Variants in PATZ1 observed in about 807,000 individuals in gnomAD.
The protein encoded by PATZ1 is POZ-, AT hook-, and zinc finger-containing protein 1.
A neutral mutation model predicts 46.2 loss-of-function variants in PATZ1; 9 were observed. The observed-to-expected ratio is 0.19, with a 90% CI of 0.12 to 0.34. PATZ1 has a LOEUF of 0.34. Among genes scored for constraint, PATZ1 ranks in the 10% least tolerant of loss-of-function variants. The probability of loss-of-function intolerance (pLI) is 1.00; values close to 1 mark genes in which losing one functional copy is unlikely to be tolerated. For missense variants in PATZ1, 632 were observed against 923.0 expected (o/e 0.68, Z 4.08); for synonymous variants, 426 against 378.6 (o/e 1.13, Z -1.45).
In PATZ1 at chr22:31,345,378, G is replaced by A. The variant is rs760449949; in HGVS notation, c.225C>T (p.Gly75=). 7 of 1,606,928 alleles carry A rather than the reference G, an allele frequency of 4.4e-6. No homozygotes were observed. Among genetic ancestry groups the A allele is most frequent in the Non-Finnish European group, 6.0e-6 (7 of 1,175,358 alleles). Residue 75 remains glycine, a synonymous_variant, in exon 1 of 5, where the codon GGC becomes GGT. Coordinates refer to ENST00000266269, the MANE Select transcript of PATZ1 (RefSeq NM_014323.3). The surrounding 1 kb of genome is among the most constrained non-coding windows in gnomAD (Gnocchi z 7.4). ...YFESVFSAQL[G]DGGAADGGPA... ...GACCCCCGTCCGCAGCTCCGCCGTC[G>A]CCCAACTGGGCGCTGAACACCGACT...
chr22:31,343,301 A>G (rs973389713), intron 1 of PATZ1: 62 of 1,052,120 alleles, frequency 5.9e-5, no homozygotes, highest in Non-Finnish European at 6.9e-5. Flanking sequence ...CAGCCTTTCC[A>G]GGAGGGGATA....
At chr22:31,337,072 T>G (rs1453881553) in intron 2 of PATZ1, among the ~76,000 whole-genome samples, 1 of 151,624 alleles carries the variant, frequency 6.6e-6, no homozygotes, top group Non-Finnish European at 1.5e-5. Flanking sequence ...ATCACACCAC[T>G]GCACTCCAGC....
chr22:31,344,300 T>C (rs1354173580), intron 1 of PATZ1, 32 bp downstream of exon 1: 2 of 1,551,570 alleles, frequency 1.3e-6, no homozygotes, highest in South Asian at 2.4e-5. Flanking sequence ...AGATAACGTG[T>C]GGCAGGGGAG....
At position 31,326,773 on chromosome 22, in the gene PATZ1, C is replaced by T. The variant is rs1170465901; in HGVS notation, c.*118G>A. Reference sequence around the variant, plus strand: ...AAGGAGTTGGAGTGGGGTTGGGGGGCAGTTAAAAATGAATAAAAATCTCTC... The same window carrying T: ...AAGGAGTTGGAGTGGGGTTGGGGGGTAGTTAAAAATGAATAAAAATCTCTC... On this transcript the variant is annotated 3_prime_UTR_variant, in exon 5 of 5. Transcript: ENST00000266269. The T allele has an allele frequency of 1.2e-6, 1 of 826,518 alleles. No homozygotes were observed. Among genetic ancestry groups the T allele is most frequent in the South Asian group, 1.9e-5 (1 of 53,614 alleles). 51.2% of individuals were successfully genotyped at this position (826,518 alleles called of 1,614,324 possible). A position where few individuals can be genotyped will look rare whatever the true frequency, so the allele number is the denominator to read the frequency against.
Position 31,328,102 on chromosome 22 carries a change from A to G in PATZ1, c.1645+685T>C, listed in dbSNP as rs1470314686. On this transcript the variant is annotated intron_variant, in intron 4 of 4. Coordinates refer to ENST00000266269, the MANE Select transcript of PATZ1 (RefSeq NM_014323.3). The surrounding 1 kb of genome is among the most constrained non-coding windows in gnomAD (Gnocchi z 4.8). Reference sequence around the variant, plus strand: ...GGGAAGGGAGGTCTGTGATGGGAGCATGGAGCATGCCATCTCTGCTGTTTC... The same window carrying G: ...GGGAAGGGAGGTCTGTGATGGGAGCGTGGAGCATGCCATCTCTGCTGTTTC... Among the ~76,000 whole-genome samples the G allele has an allele frequency of 6.6e-6, 1 of 152,164 alleles. No individual in the cohort carries two copies. The highest frequency in any genetic ancestry group is 2.4e-5 in the African/African-American group (1 of 41,436).
At chr22:31,342,772 GGGA>G (rs1015560484) in intron 2 of PATZ1, 122 bp downstream of exon 2, 17 of 913,352 alleles carry the variant, frequency 1.9e-5, no homozygotes, top group Admixed American at 1.8e-4. Flanking sequence ...AGGAACAGAG[GGGA>G]GGTGTGCAAA....
chr22:31,336,102 C>G (rs1481737066), intron 2 of PATZ1, among the ~76,000 whole-genome samples: 1 of 152,198 alleles, frequency 6.6e-6, no homozygotes, highest in Non-Finnish European at 1.5e-5. Context: ...TAAATGACTA[C>G]TGGAAATGTA....
chr22:31,343,305 G>A, intron 1 of PATZ1: 1 of 1,044,924 alleles, frequency 9.6e-7, no homozygotes, highest in Non-Finnish European at 1.2e-6. Flanking sequence ...CTTTCCAGGA[G>A]GGGATATGTG....
chr22:31,345,714 G>C lies in PATZ1; in HGVS notation c.-112C>G, dbSNP rs1004528936. The C allele has an allele frequency of 1.2e-4, 128 of 1,085,576 alleles. 1 individual carries two copies. The highest frequency in any genetic ancestry group is 4.2e-5 in the Non-Finnish European group (33 of 780,632). The allele number at this position is 1,085,576 out of a possible 1,614,324, so 67.2% of individuals were successfully genotyped here. On this transcript the variant is annotated 5_prime_UTR_variant, in exon 1 of 5. Transcript: ENST00000266269. The surrounding 1 kb of genome is among the most constrained non-coding windows in gnomAD (Gnocchi z 7.4). ...CGTGTCCACACTCCCCACACGTGCC[G>C]GCCCGAGGCTCTGTAGTCTCGCAGG...
intron 2 of PATZ1, among the ~76,000 whole-genome samples, chr22:31,339,195 CT>C (rs943750518): frequency 4.6e-5 from 7 of 152,232 alleles, no homozygotes; most frequent in African/African-American, 1.7e-4. Context: ...TTCCCCCACC[CT>C]GTCCTCCATT....
chr22:31,328,065 G>A lies in PATZ1; in HGVS notation c.1645+722C>T, dbSNP rs961629847. ...ATCAGCAGCTTCCTGCCTGGGTCCA[G>A]AGAGCCATGCCGGGAAGGGAGGTCT... On this transcript the variant is annotated intron_variant, in intron 4 of 4. Transcript: ENST00000266269. The surrounding 1 kb of genome is among the most constrained non-coding windows in gnomAD (Gnocchi z 4.8). 2.6e-5 allele frequency among the ~76,000 whole-genome samples: 4 copies of A among 152,198 alleles called. No homozygotes were observed. The highest frequency in any genetic ancestry group is 9.7e-5 in the African/African-American group (4 of 41,448).
rs131207 is a variant in PATZ1 at position 31,328,986 on chromosome 22, CA to C, written c.1508-63del. The C allele has an allele frequency of 0.73, 1,123,985 of 1,530,654 alleles. 416,670 individuals are homozygous for C. The highest frequency in any genetic ancestry group is 0.95 in the African/African-American group (69,644 of 73,198). 94.8% of individuals were successfully genotyped at this position (1,530,654 alleles called of 1,614,324 possible). On this transcript the variant is annotated intron_variant, in intron 3 of 4. Coordinates refer to ENST00000266269, the MANE Select transcript of PATZ1 (RefSeq NM_014323.3). This position sits in a 1 kb window ranked among gnomAD's most constrained non-coding sequence, Gnocchi z 4.8. The stretch of plus-strand genomic sequence containing the variant: ...GCAAGAGATACCTCTCTCCTTCCCC[CA>C]ACTCCTCTCCTCTGGCCGCTCTGGC...
In PATZ1 at chr22:31,326,947, A is replaced by T; in HGVS notation, c.2008T>A (p.Ser670Thr). ...TCAACCTCAGGATCTACTAAAGATG[A>T]CGCAAATGCCGACTGAACAATCTGA... Reference protein sequence around the residue: ...GFQIVQSAFASSLVDPEVDQQ... With the variant: ...GFQIVQSAFATSLVDPEVDQQ... The change falls in exon 5 of 5, where the codon TCA becomes ACA. Residue 670 changes from serine (S) to threonine (T), a missense_variant. This residue lies in a region of PATZ1 where 176 missense variants were observed against 249.4 expected (regional missense o/e 0.71). Transcript: ENST00000266269. The T allele has an allele frequency of 6.2e-7, 1 of 1,614,164 alleles. No individual in the cohort carries two copies. Among genetic ancestry groups the T allele is most frequent in the South Asian group, 1.1e-5 (1 of 91,080 alleles).
At chr22:31,341,391 C>A in intron 2 of PATZ1, 2 of 1,531,400 alleles carry the variant, frequency 1.3e-6, no homozygotes, top group East Asian at 2.3e-5. Context: ...CAACCCTCTC[C>A]AGGGAGGCCC....
chr22:31,330,399 C>T (rs1437146836), intron 3 of PATZ1, among the ~76,000 whole-genome samples: 1 of 152,068 alleles, frequency 6.6e-6, no homozygotes, highest in Non-Finnish European at 1.5e-5. Context: ...CCCGTCTCTA[C>T]TAAAAATATA....
At chr22:31,330,338 G>A (rs1479006225) in intron 3 of PATZ1, among the ~76,000 whole-genome samples, 2 of 152,108 alleles carry the variant, frequency 1.3e-5, no homozygotes, top group Non-Finnish European at 2.9e-5. Context: ...GCTGAGGTGG[G>A]CAGATCACGA....
In PATZ1 at chr22:31,335,752, C is replaced by A. The variant is rs780147447; in HGVS notation, c.1447G>T (p.Ala483Ser). 6.2e-7 allele frequency: 1 copy of A among 1,614,148 alleles called. No homozygotes were observed. The highest frequency in any genetic ancestry group is 1.1e-5 in the South Asian group (1 of 91,086). The stretch of plus-strand genomic sequence containing the variant: ...TCGCTGTGCTTCTTCAGGTGGTCTG[C>A]CATGTATGCTGCCCGCAAGTACTTC... ...CGKYLRAAYMADHLKKHSEGP... is the reference protein window; with the variant it reads ...CGKYLRAAYMSDHLKKHSEGP... The change falls in exon 3 of 5, where the codon GCA becomes TCA. Residue 483 changes from alanine (A) to serine (S), a missense_variant. Coordinates refer to ENST00000266269, the MANE Select transcript of PATZ1 (RefSeq NM_014323.3).
intron 1 of PATZ1, among the ~76,000 whole-genome samples, chr22:31,343,962 A>C (rs2049614984): frequency 6.6e-6 from 1 of 151,820 alleles, no homozygotes; most frequent in African/African-American, 2.4e-5. Flanking sequence ...GCAGCCATTC[A>C]AGCGGGGAAG....
chr22:31,343,340 T>C, intron 1 of PATZ1: 1 of 995,502 alleles, frequency 1.0e-6, no homozygotes, highest in Non-Finnish European at 1.2e-6. Flanking sequence ...CTAAAGCCCC[T>C]TAGAAACTCA....
Sources: gnomAD v4.1 joint callset for allele counts (sites outside exome capture counted in the v4.1 genomes callset) on GRCh38, gnomAD v4.1.1 for gene constraint, gnomAD v4.1.1 regional missense constraint, Gnocchi (gnomAD v3.1) non-coding constraint, MANE v1.5 for transcripts, NCBI Gene and HGNC (gene_info 2026-07-23, HGNC 2026-07-21) for gene names.